The following MCF2L variants were observed in gnomAD, a reference collection of about 807,000 sequenced individuals.
The protein encoded by MCF2L is MCF.2 cell line derived transforming sequence like, also known as guanine nucleotide exchange factor DBS.
Under a neutral mutation model 153.4 loss-of-function variants are expected in MCF2L, and 97 were observed. The ratio of observed to expected loss-of-function variants is 0.63; its 90% CI spans 0.54 to 0.75. MCF2L has a LOEUF of 0.75. Ranked by LOEUF, MCF2L falls within the 30% of genes least tolerant of loss-of-function variation. The pLI is 0.00. For missense variants in MCF2L, 1,347 were observed against 1,495.2 expected, an observed-to-expected ratio of 0.90 and a Z score of 1.64; for synonymous variants, 659 against 632.2, an observed-to-expected ratio of 1.04 and a Z score of -0.64.
At chr13:113,079,950 GGA>G (rs2033947902) in intron 15 of MCF2L, among the ~76,000 whole-genome samples, 1 of 150,568 alleles carries the variant, frequency 6.6e-6, no homozygotes, top group Non-Finnish European at 1.5e-5. Context: ...TCCATACCGA[GGA>G]GAGTCCAGGC....
In MCF2L at chr13:112,918,831, CTT is replaced by C. The variant is rs559023243; in HGVS notation, c.169+16462_169+16463del. ...GACCTGACTGAAGCATCGGCCCAGA[CTT>C]TCACGAGCGGGGTCCCATTTTCCCA... On this transcript the variant is annotated intron_variant, in intron 2 of 29. Coordinates refer to the MCF2L transcript ENST00000375608. 2.4e-4 allele frequency among the ~76,000 whole-genome samples: 36 copies of C among 152,322 alleles called. 1 individual carries two copies. The South Asian group carries it at 7.0e-3, about 30-fold the overall frequency.
rs1311079779 is a variant in MCF2L, at chr13:113,025,084, A to G, written c.278+326A>G. 3.8e-4 allele frequency among the ~76,000 whole-genome samples: 27 copies of G among 71,980 alleles called. 1 individual carries two copies. The highest frequency in any genetic ancestry group is 2.3e-3 in the East Asian group (4 of 1,760). 47.2% of individuals were successfully genotyped at this position (71,980 alleles called of 152,430 possible). A position where few individuals can be genotyped will look rare whatever the true frequency, so the allele number is the denominator to read the frequency against. Reference sequence around the variant, plus strand: ...TGGGTCGGGGCAGAGTCCCTGTGAGATTTCACCAGGGTGGGGTCCCTGCAA... The same window carrying G: ...TGGGTCGGGGCAGAGTCCCTGTGAGGTTTCACCAGGGTGGGGTCCCTGCAA... On this transcript the variant is annotated intron_variant, in intron 3 of 29. Coordinates refer to ENST00000535094, the MANE Select transcript of MCF2L (RefSeq NM_001112732.3).
intron 1 of MCF2L, among the ~76,000 whole-genome samples, chr13:112,981,431 A>G (rs2082421622): frequency 6.6e-6 from 1 of 152,150 alleles, no homozygotes; most frequent in Non-Finnish European, 1.5e-5. Flanking sequence ...CCCCGTGAAG[A>G]CATCGTCCAC....
intron 3 of MCF2L, among the ~76,000 whole-genome samples, chr13:113,029,388 C>T (rs2085505122): frequency 6.6e-6 from 1 of 152,236 alleles, no homozygotes; most frequent in African/African-American, 2.4e-5. Flanking sequence ...AATCTTCTTC[C>T]TAAGGGCATC....
intron 4 of MCF2L, among the ~76,000 whole-genome samples, chr13:113,059,976 G>A (rs907980184): frequency 1.3e-5 from 2 of 152,238 alleles, no homozygotes; most frequent in Admixed American, 6.5e-5. Flanking sequence ...ACCACTGGGC[G>A]CACAGAAGCT....
At position 112,960,388 on chromosome 13, in the gene MCF2L, G is replaced by A. The variant is rs1378701173; in HGVS notation, c.170-54375G>A. Among the ~76,000 whole-genome samples, 2 of 152,204 alleles carry A rather than the reference G, an allele frequency of 1.3e-5. No homozygotes were observed. Among genetic ancestry groups the A allele is most frequent in the Non-Finnish European group, 2.9e-5 (2 of 68,020 alleles). On this transcript the variant is annotated intron_variant, in intron 2 of 29. Coordinates refer to the MCF2L transcript ENST00000375608. The surrounding 1 kb of genome is among the most constrained non-coding windows in gnomAD (Gnocchi z 4.2). ...CTTCTTAGGCCCCATGTCCCAGCACGGCGGCATTGGGGGTGAGGTTTCCCA... is the reference window on the plus strand; with the variant it reads ...CTTCTTAGGCCCCATGTCCCAGCACAGCGGCATTGGGGGTGAGGTTTCCCA...
chr13:113,001,628 T>G, intron 1 of MCF2L: 1 of 1,245,714 alleles, frequency 8.0e-7, no homozygotes, highest in Non-Finnish European at 1.0e-6. Context: ...ACCTGAAGCC[T>G]CCCTGGCCGG....
rs577482036 is a variant in MCF2L, at chr13:113,096,845, G to T, written c.3364G>T (p.Asp1122Tyr). 2 of 1,492,670 alleles carry T rather than the reference G, an allele frequency of 1.3e-6. No individual in the cohort carries two copies. Among genetic ancestry groups the T allele is most frequent in the South Asian group, 2.6e-5 (2 of 76,536 alleles). The allele number at this position is 1,492,670 out of a possible 1,614,324, so 92.5% of individuals were successfully genotyped here. Reference protein sequence around the residue: ...CSEGGQAPFSDLQG With the variant: ...CSEGGQAPFSYLQG Reference sequence around the variant, plus strand: ...CGAGGGCGGCCAGGCCCCCTTCTCCGACCTGCAGGGGTAGCGCGGCCTCGG... The same window carrying T: ...CGAGGGCGGCCAGGCCCCCTTCTCCTACCTGCAGGGGTAGCGCGGCCTCGG... Residue 1122 changes from aspartate to tyrosine, a missense_variant, in exon 30 of 30, where the codon GAC (aspartate) becomes TAC (tyrosine). By Grantham distance (160) the Asp-to-Tyr change is radical. Coordinates refer to ENST00000535094, the MANE Select transcript of MCF2L (RefSeq NM_001112732.3).
chr13:112,917,820 A>G lies in MCF2L; in HGVS notation c.169+15449A>G, dbSNP rs151270403. On this transcript the variant is annotated intron_variant, in intron 2 of 29. Transcript: ENST00000375608. ...TTTGCTGCGGGGGTTCTCCTTACTA[A>G]GGTTGAAGACTTACAAGAAAGCTGG... Among the ~76,000 whole-genome samples the G allele has an allele frequency of 5.3e-5, 8 of 152,202 alleles. No individual in the cohort carries two copies. In the South Asian group the frequency reaches 1.5e-3, roughly 28 times the overall value.
chr13:112,897,226 T>A (rs1428000785), intron 1 of MCF2L, among the ~76,000 whole-genome samples: 2 of 152,052 alleles, frequency 1.3e-5, no homozygotes, highest in Admixed American at 6.5e-5. Context: ...AGTGAACCTC[T>A]CCGAGCTTTC....
At chr13:112,934,583 T>TGCTGCTGCTGCTGCTGCTG (rs1555351939) in intron 2 of MCF2L, among the ~76,000 whole-genome samples, 19 of 152,194 alleles carry the variant, frequency 1.2e-4, no homozygotes, top group East Asian at 7.7e-4. Context: ...CTGCTGCTGG[T>TGCTGCTGCTGCTGCTGCTG]CTGGAGACCC....
intron 3 of MCF2L, among the ~76,000 whole-genome samples, chr13:113,030,301 G>A (rs1330189179): frequency 2.9e-5 from 4 of 140,112 alleles, no homozygotes; most frequent in African/African-American, 5.6e-5. Flanking sequence ...TCGGGTGTCC[G>A]CCGACGCCCG....
intron 1 of MCF2L, among the ~76,000 whole-genome samples, chr13:112,994,575 T>G (rs2083039546): frequency 6.6e-6 from 1 of 152,228 alleles, no homozygotes; most frequent in South Asian, 2.1e-4. Flanking sequence ...TCTCGTTTCT[T>G]CCCGCTGGTC....
At chr13:113,044,279 A>G (rs2086669704) in intron 3 of MCF2L, 1 of 304,972 alleles carries the variant, frequency 3.3e-6, no homozygotes, top group African/African-American at 2.2e-5. Context: ...AGCACCCACC[A>G]CACATGAACG....
rs2084401407 is a variant in MCF2L at position 113,014,774 on chromosome 13, C to T, written c.91C>T (p.His31Tyr). Residue 31 changes from histidine (H) to tyrosine (Y), a missense_variant, in exon 2 of 30, where the codon CAC (histidine) becomes TAC (tyrosine). By Grantham distance (83) the His-to-Tyr change is moderately conservative. This residue lies in a region of MCF2L where 820 missense variants were observed against 921.2 expected (regional missense o/e 0.89). Coordinates refer to ENST00000535094, the MANE Select transcript of MCF2L (RefSeq NM_001112732.3). ...CTCTTTCCGTGCAGATGAAATCATG[C>T]ACCAGGACATCGTCCCGCTCTGTGC... Reference protein sequence around the residue: ...AVSKHTDEIMHQDIVPLCAAD... With the variant: ...AVSKHTDEIMYQDIVPLCAAD... The T allele has an allele frequency of 6.2e-7, 1 of 1,613,926 alleles. No homozygotes were observed. Among genetic ancestry groups the T allele is most frequent in the South Asian group, 1.1e-5 (1 of 91,076 alleles).
In MCF2L at chr13:113,066,162, C is replaced by T. The variant is rs2297192; in HGVS notation, c.873C>T (p.Thr291=). The T allele has an allele frequency of 0.17, 279,462 of 1,609,642 alleles. 27,371 individuals carry two copies. The highest frequency in any genetic ancestry group is 0.45 in the East Asian group (20,101 of 44,648). ...VNQDQLDNQA[T]VQRLLAQLNE... ...AGGACCAGCTTGACAACCAGGCCACCGTGCAGAGGTGAGGCCCGGCTGCCT... is the reference window on the plus strand; with the variant it reads ...AGGACCAGCTTGACAACCAGGCCACTGTGCAGAGGTGAGGCCCGGCTGCCT... Residue 291 remains threonine (T), a synonymous_variant, in exon 8 of 30, where the codon ACC becomes ACT. Transcript: ENST00000535094.
At chr13:112,999,102 C>T (rs962104146) in intron 1 of MCF2L, among the ~76,000 whole-genome samples, 1 of 152,240 alleles carries the variant, frequency 6.6e-6, no homozygotes, top group Non-Finnish European at 1.5e-5. Context: ...AGGGCCAGCC[C>T]TCCCTGGCAC....
At chr13:112,922,478 T>A (rs890685096) in intron 2 of MCF2L, among the ~76,000 whole-genome samples, 1 of 151,706 alleles carries the variant, frequency 6.6e-6, no homozygotes, top group Non-Finnish European at 1.5e-5. Flanking sequence ...TGGACTGATC[T>A]CAATCTCATT....
intron 1 of MCF2L, among the ~76,000 whole-genome samples, chr13:113,007,705 G>C (rs1237988290): frequency 6.6e-6 from 1 of 152,188 alleles, no homozygotes; most frequent in Non-Finnish European, 1.5e-5. Context: ...TCCTTTGTAA[G>C]CTTGGGGAGT....
Sources: gnomAD v4.1 joint callset for allele counts (sites outside exome capture counted in the v4.1 genomes callset) on GRCh38, gnomAD v4.1.1 for gene constraint, gnomAD v4.1.1 regional missense constraint, Gnocchi (gnomAD v3.1) non-coding constraint, MANE v1.5 for transcripts, NCBI Gene and HGNC (gene_info 2026-07-23, HGNC 2026-07-21) for gene names.